The following HIVEP3 variants were observed in gnomAD, a reference collection of about 807,000 sequenced individuals.
HIVEP3 encodes HIVEP zinc finger 3, also known as transcription factor HIVEP3.
In HIVEP3, 49 loss-of-function variants were observed where a neutral mutation model predicts 152.8. The ratio of observed to expected loss-of-function variants is 0.32; its 90% CI spans 0.26 to 0.41. The LOEUF (loss-of-function observed/expected upper bound fraction) is 0.41. HIVEP3 is among the 10% of genes least tolerant of loss of function. The pLI is 1.00. For synonymous variants in HIVEP3, 1,269 were observed against 1,289.0 expected (o/e 0.98, Z 0.33); for missense variants, 2,790 against 3,103.3 (o/e 0.90, Z 2.40).
At chr1:41,632,407 A>G (rs1223287530) in intron 2 of HIVEP3, among the ~76,000 whole-genome samples, 1 of 152,182 alleles carries the variant, frequency 6.6e-6, no homozygotes, top group African/African-American at 2.4e-5. Flanking sequence ...AAGAGAGAGA[A>G]AAAAGAAAGA....
At position 41,582,944 on chromosome 1, in the gene HIVEP3, C is replaced by T. The variant is rs200286795; in HGVS notation, c.1854G>A (p.Ser618=). 1.8e-5 allele frequency: 29 copies of T among 1,613,936 alleles called. No homozygotes were observed. Among genetic ancestry groups the T allele is most frequent in the African/African-American group, 5.3e-5 (4 of 74,862 alleles). ...PSSKDTASKP[S]DEVEPKESEL... ...CGCTTTCCTTGGGTTCCACTTCGTC[C>T]GAGGGCTTGGAGGCTGTGTCTTTGC... Residue 618 remains serine (S), a synonymous_variant, in exon 4 of 9, where the codon TCG becomes TCA. Transcript: ENST00000372583. The surrounding 1 kb of genome is among the most constrained non-coding windows in gnomAD (Gnocchi z 4.7).
chr1:41,730,639 G>A (rs993408730), intron 1 of HIVEP3, among the ~76,000 whole-genome samples: 3 of 152,244 alleles, frequency 2.0e-5, no homozygotes, highest in Admixed American at 1.3e-4. Flanking sequence ...GTTCTCTCAC[G>A]CTCTTTGCAC....
chr1:41,556,316 C>T (rs1643965880), intron 5 of HIVEP3, among the ~76,000 whole-genome samples: 1 of 152,186 alleles, frequency 6.6e-6, no homozygotes, highest in Non-Finnish European at 1.5e-5. Context: ...GATAATAGCC[C>T]TCCTAGAGGG....
At position 41,704,220 on chromosome 1, in the gene HIVEP3, C is replaced by T. The variant is rs1646402513; in HGVS notation, c.-800-3225G>A. Among the ~76,000 whole-genome samples the T allele has an allele frequency of 2.6e-5, 4 of 152,230 alleles. No individual in the cohort carries two copies. The South Asian group carries it at 8.3e-4, about 32-fold the overall frequency. On this transcript the variant is annotated intron_variant, in intron 1 of 8. Coordinates refer to ENST00000372583, the MANE Select transcript of HIVEP3 (RefSeq NM_024503.5). The stretch of plus-strand genomic sequence containing the variant: ...ATGGGCCAACTTGTTCTGTGCTAAG[C>T]ATCGCTTCCACCGCTTTCTCCCTCA...
chr1:41,832,476 A>C (rs542679294), intron 1 of HIVEP3, among the ~76,000 whole-genome samples: 1 of 152,326 alleles, frequency 6.6e-6, no homozygotes, highest in South Asian at 2.1e-4. Flanking sequence ...GGCTGCAGTG[A>C]GCCAAGATCA....
chr1:41,701,625 C>CT (rs1402813513), intron 1 of HIVEP3, among the ~76,000 whole-genome samples: 3 of 152,222 alleles, frequency 2.0e-5, no homozygotes, highest in African/African-American at 7.2e-5. Context: ...ACAAGGACCT[C>CT]TCTTTGTATG....
chr1:41,775,272 G>T (rs548419354), intron 1 of HIVEP3, among the ~76,000 whole-genome samples: 2 of 152,274 alleles, frequency 1.3e-5, no homozygotes, highest in East Asian at 3.9e-4. Flanking sequence ...CTTAGTCTTT[G>T]TGGAAGAAGA....
chr1:41,697,242 C>T (rs536808302), intron 2 of HIVEP3, among the ~76,000 whole-genome samples: 16 of 152,248 alleles, frequency 1.1e-4, no homozygotes, highest in African/African-American at 1.9e-4. Flanking sequence ...ATGACCAGCT[C>T]GGAAGCCATA....
At chr1:41,539,371 G>A (rs994652363) in intron 5 of HIVEP3, among the ~76,000 whole-genome samples, 2 of 152,308 alleles carry the variant, frequency 1.3e-5, no homozygotes, top group African/African-American at 2.4e-5. Flanking sequence ...GATGCTGCTC[G>A]AGACTTCTTT....
At chr1:41,847,254 C>T (rs1643468865) in intron 1 of HIVEP3, 1 of 152,192 alleles carries the variant, frequency 6.6e-6, no homozygotes, top group South Asian at 2.1e-4. Flanking sequence ...ACAACCTAAA[C>T]ATCAAACCAT....
At chr1:41,524,590 G>C in intron 6 of HIVEP3, 145 bp downstream of exon 6, 1 of 745,342 alleles carries the variant, frequency 1.3e-6, no homozygotes, top group Non-Finnish European at 2.3e-6. Flanking sequence ...CTGCCACTGG[G>C]CACCAAGCTG....
In HIVEP3 at chr1:41,615,508, G is replaced by A. The variant is rs562008758; in HGVS notation, c.-522+13241C>T. On this transcript the variant is annotated intron_variant, in intron 3 of 8. Coordinates refer to ENST00000372583, the MANE Select transcript of HIVEP3 (RefSeq NM_024503.5). ...TGGGCCCAAGGAAGAGAAGGGATTCGCGCAAGACCACAAGGCCAGTGACAG... is the reference window on the plus strand; with the variant it reads ...TGGGCCCAAGGAAGAGAAGGGATTCACGCAAGACCACAAGGCCAGTGACAG... 5.9e-5 allele frequency among the ~76,000 whole-genome samples: 9 copies of A among 152,328 alleles called. No homozygotes were observed. The East Asian group carries it at 1.3e-3, about 23-fold the overall frequency.
In HIVEP3 at chr1:41,653,757, C is replaced by G. The variant is rs142562549; in HGVS notation, c.-720-24810G>C. Among the ~76,000 whole-genome samples the G allele has an allele frequency of 3.3e-3, 507 of 152,166 alleles. 1 individual carries two copies. The highest frequency in any genetic ancestry group is 1.0e-2 in the African/African-American group (414 of 41,524). On this transcript the variant is annotated intron_variant, in intron 2 of 8. Transcript: ENST00000372583. ...CCTGCACAGGCTAAGCTGTGTGGCT[C>G]AGCAGTTGAAGGGTGGGTCTGGATC...
At chr1:41,940,401 A>C (rs1170515349) in intron 1 of HIVEP3, among the ~76,000 whole-genome samples, 1 of 152,202 alleles carries the variant, frequency 6.6e-6, no homozygotes, top group Non-Finnish European at 1.5e-5. Context: ...TTAAAGTGAA[A>C]ATGTTTGAAT....
At chr1:41,523,027 C>A (rs756586724) in intron 6 of HIVEP3, among the ~76,000 whole-genome samples, 3 of 151,732 alleles carry the variant, frequency 2.0e-5, no homozygotes, top group Non-Finnish European at 4.4e-5. Context: ...AGTTACAGCT[C>A]CAGCATTAAC....
chr1:41,775,718 G>A (rs1001072301), intron 1 of HIVEP3, among the ~76,000 whole-genome samples: 1 of 152,048 alleles, frequency 6.6e-6, no homozygotes, highest in Admixed American at 6.6e-5. Flanking sequence ...TTAAACTCCT[G>A]ATCCTCATGT....
At chr1:41,946,433 A>G (rs1169182523) in intron 1 of HIVEP3, among the ~76,000 whole-genome samples, 1 of 152,188 alleles carries the variant, frequency 6.6e-6, no homozygotes, top group Non-Finnish European at 1.5e-5. Flanking sequence ...TTCCTGTCCC[A>G]GACAATTGTC....
intron 1 of HIVEP3, among the ~76,000 whole-genome samples, chr1:41,838,103 G>A (rs969355209): frequency 6.6e-6 from 1 of 152,002 alleles, no homozygotes; most frequent in Non-Finnish European, 1.5e-5. Context: ...TGTTTTTCAG[G>A]ACTTATATAT....
intron 1 of HIVEP3, among the ~76,000 whole-genome samples, chr1:41,997,350 G>A (rs1019385590): frequency 6.6e-6 from 1 of 152,144 alleles, no homozygotes; most frequent in Non-Finnish European, 1.5e-5. Context: ...ATTGGCTAAC[G>A]GGGGAGGAGC....
Sources: gnomAD v4.1 joint callset for allele counts (sites outside exome capture counted in the v4.1 genomes callset) on GRCh38, gnomAD v4.1.1 for gene constraint, Gnocchi (gnomAD v3.1) non-coding constraint, MANE v1.5 for transcripts, NCBI Gene and HGNC (gene_info 2026-07-23, HGNC 2026-07-21) for gene names.